Variants in PRKD1 observed in about 807,000 individuals in gnomAD.
The protein encoded by PRKD1 is serine/threonine-protein kinase D1.
Under a neutral mutation model 95.9 loss-of-function variants are expected in PRKD1, and 63 were observed. The observed-to-expected ratio is 0.66, with a 90% CI of 0.54 to 0.81. PRKD1 has a LOEUF of 0.81. Among genes scored for constraint, PRKD1 ranks in the 30% least tolerant of loss-of-function variants. PRKD1 has a pLI of 0.00. For missense variants in PRKD1, 1,048 were observed against 1,165.3 expected (o/e 0.90, Z 1.47); for synonymous variants, 425 against 423.1 (o/e 1.00, Z -0.05).
At chr14:29,599,506 C>T (rs1012169969) in intron 14 of PRKD1, 150 bp downstream of exon 14, 12 of 698,282 alleles carry the variant, frequency 1.7e-5, no homozygotes, top group Non-Finnish European at 2.5e-5. Context: ...AGATATAAAT[C>T]ACATAATACA....
rs28425667 is a variant in PRKD1, at chr14:29,924,419, A to G, written c.264+2830T>C. Among the ~76,000 whole-genome samples, 1,464 of 152,340 alleles carry G rather than the reference A, an allele frequency of 9.6e-3. 13 individuals are homozygous for G. The highest frequency in any genetic ancestry group is 0.034 in the African/African-American group (1,400 of 41,566). The stretch of plus-strand genomic sequence containing the variant: ...ATAATAATTTACAGGTGAGTTTCTC[A>G]GGGAAACTTATGCAGCCTTGTACAC... On this transcript the variant is annotated intron_variant, in intron 1 of 17. Coordinates refer to ENST00000331968, the MANE Select transcript of PRKD1 (RefSeq NM_002742.3).
chr14:29,879,500 A>T (rs1000945601), intron 1 of PRKD1, among the ~76,000 whole-genome samples: 1 of 152,164 alleles, frequency 6.6e-6, no homozygotes, highest in East Asian at 1.9e-4. Flanking sequence ...AAGTCCAATT[A>T]AACCTCTTTT....
At chr14:29,725,454 T>A (rs1886092426) in intron 2 of PRKD1, 82 bp downstream of exon 2, 1 of 1,495,784 alleles carries the variant, frequency 6.7e-7, no homozygotes, top group Admixed American at 1.9e-5. Context: ...GCTTTTTATG[T>A]TTCCTTAAAA....
At chr14:29,639,885 G>T (rs45587837) in intron 4 of PRKD1, among the ~76,000 whole-genome samples, 4,361 of 152,070 alleles carry the variant, frequency 0.029, 209 homozygotes, top group African/African-American at 0.1. Flanking sequence ...CCAGTATATA[G>T]ATTTTTAAAA....
At chr14:29,883,335 A>G (rs1893582711) in intron 1 of PRKD1, among the ~76,000 whole-genome samples, 1 of 152,198 alleles carries the variant, frequency 6.6e-6, no homozygotes, top group African/African-American at 2.4e-5. Context: ...GCTGCTATGA[A>G]CAGTGTCTCC....
At chr14:29,745,010 T>A (rs750309371) in intron 1 of PRKD1, among the ~76,000 whole-genome samples, 1 of 152,178 alleles carries the variant, frequency 6.6e-6, no homozygotes, top group Non-Finnish European at 1.5e-5. Context: ...GCCTTATTAC[T>A]GTTTTTCAAA....
intron 1 of PRKD1, among the ~76,000 whole-genome samples, chr14:29,883,595 T>C (rs1347814076): frequency 6.6e-6 from 1 of 152,224 alleles, no homozygotes; most frequent in East Asian, 1.9e-4. Context: ...TGGCTCTTTT[T>C]AGCTACATTT....
intron 6 of PRKD1, chr14:29,638,239 A>G: frequency 4.0e-6 from 2 of 494,144 alleles, no homozygotes; most frequent in Non-Finnish European, 7.1e-6. Flanking sequence ...CTGGGAAATA[A>G]ATTATGGCTA....
At chr14:29,876,758 G>C (rs1358323531) in intron 1 of PRKD1, among the ~76,000 whole-genome samples, 4 of 151,598 alleles carry the variant, frequency 2.6e-5, no homozygotes, top group Non-Finnish European at 5.9e-5. Flanking sequence ...CAAAAACCAG[G>C]CAAAGGACTT....
intron 4 of PRKD1, among the ~76,000 whole-genome samples, chr14:29,644,353 T>C (rs537202548): frequency 6.6e-6 from 1 of 152,170 alleles, no homozygotes. Flanking sequence ...AAACACTTAA[T>C]AGGCTGTTCA....
chr14:29,758,301 C>T (rs1368975807), intron 1 of PRKD1, among the ~76,000 whole-genome samples: 4 of 152,040 alleles, frequency 2.6e-5, no homozygotes, highest in African/African-American at 7.3e-5. Context: ...CAAGACTGAG[C>T]CAAACCTTAG....
At chr14:29,854,876 C>T (rs751087561) in intron 1 of PRKD1, among the ~76,000 whole-genome samples, 29 of 152,214 alleles carry the variant, frequency 1.9e-4, no homozygotes, top group Non-Finnish European at 2.9e-4. Flanking sequence ...GAGCTTGGGC[C>T]GTGGCTTCAG....
At chr14:29,585,060 C>T (rs1892872940) in intron 16 of PRKD1, among the ~76,000 whole-genome samples, 1 of 149,966 alleles carries the variant, frequency 6.7e-6, no homozygotes, top group Non-Finnish European at 1.5e-5. Context: ...AGTGTTTTCT[C>T]TTTTTTTTTT....
chr14:29,816,084 GGCACA>G (rs1566616596), intron 1 of PRKD1, among the ~76,000 whole-genome samples: 2 of 152,070 alleles, frequency 1.3e-5, no homozygotes, highest in Non-Finnish European at 2.9e-5. Flanking sequence ...TGGGTGTCGT[GGCACA>G]TGCCTGTAAT....
intron 1 of PRKD1, among the ~76,000 whole-genome samples, chr14:29,926,584 G>T (rs537393803): frequency 8.5e-5 from 13 of 152,222 alleles, no homozygotes; most frequent in African/African-American, 2.9e-4. Flanking sequence ...GGGTGTTCCT[G>T]GACATCACCC....
At chr14:29,590,089 T>C (rs1032976809) in intron 16 of PRKD1, among the ~76,000 whole-genome samples, 2 of 152,206 alleles carry the variant, frequency 1.3e-5, no homozygotes, top group Non-Finnish European at 1.5e-5. Flanking sequence ...TTTTTATAGC[T>C]ATTTAACATT....
At chr14:29,787,099 A>G (rs1331341052) in intron 1 of PRKD1, among the ~76,000 whole-genome samples, 1 of 151,794 alleles carries the variant, frequency 6.6e-6, no homozygotes, top group African/African-American at 2.4e-5. Flanking sequence ...CTGGTCATAT[A>G]GGAGAGTGCT....
At chr14:29,919,232 A>G (rs1449367728) in intron 1 of PRKD1, among the ~76,000 whole-genome samples, 2 of 152,226 alleles carry the variant, frequency 1.3e-5, no homozygotes, top group South Asian at 2.1e-4. Context: ...CTAAGCTACT[A>G]TATCAATTGT....
intron 1 of PRKD1, among the ~76,000 whole-genome samples, chr14:29,925,429 T>C (rs1175733807): frequency 1.3e-5 from 2 of 152,206 alleles, no homozygotes; most frequent in East Asian, 3.8e-4. Flanking sequence ...TTCATAACTG[T>C]ACTTCCCTTA....
Sources: gnomAD v4.1 joint callset for allele counts (sites outside exome capture counted in the v4.1 genomes callset) on GRCh38, gnomAD v4.1.1 for gene constraint, MANE v1.5 for transcripts, NCBI Gene and HGNC (gene_info 2026-07-23, HGNC 2026-07-21) for gene names.